ARHGEF12: variants seen among roughly 807,000 people sequenced by gnomAD.
The protein encoded by ARHGEF12 is Rho guanine nucleotide exchange factor 12, also known as KMT2A/ARHGEF12 fusion protein.
ARHGEF12 carries 66 observed loss-of-function variants against 211.2 expected under a neutral mutation model. That is an observed-to-expected ratio of 0.31 (90% confidence interval 0.26 to 0.38). ARHGEF12 has a LOEUF of 0.38. Among genes scored for constraint, ARHGEF12 ranks in the 10% least tolerant of loss-of-function variants. The pLI, the probability that ARHGEF12 is intolerant of heterozygous loss-of-function variation, is 1.00. For missense variants in ARHGEF12, 1,429 were observed against 1,869.5 expected (o/e 0.76, Z 4.34); for synonymous variants, 592 against 638.4 (o/e 0.93, Z 1.09).
intron 1 of ARHGEF12, 163 bp downstream of exon 1, chr11:120,337,438 A>T (rs1354473267): frequency 3.0e-6 from 3 of 985,004 alleles, no homozygotes; most frequent in East Asian, 2.3e-4. Flanking sequence ...CGAGTTATCC[A>T]GTTGATTGGC....
Position 120,437,387 on chromosome 11 carries a change from G to A in ARHGEF12, c.999+5G>A, listed in dbSNP as rs781012625. The A allele has an allele frequency of 6.2e-7, 1 of 1,608,166 alleles. No individual in the cohort carries two copies. Among genetic ancestry groups the A allele is most frequent in the Admixed American group, 1.7e-5 (1 of 59,546 alleles). ...AGTGAAACAATTCAGGACACTGTGA[G>A]TATGAAATCCATGCAATGATAGTGC... is the stretch of plus-strand genomic sequence containing the variant. On this transcript the variant is annotated splice_donor_5th_base_variant and intron_variant, in intron 12 of 40. Coordinates refer to ENST00000397843, the MANE Select transcript of ARHGEF12 (RefSeq NM_015313.3).
intron 1 of ARHGEF12, among the ~76,000 whole-genome samples, chr11:120,380,328 A>G (rs923434957): frequency 1.3e-5 from 2 of 152,126 alleles, no homozygotes; most frequent in African/African-American, 4.8e-5. Flanking sequence ...CTTAGTACAT[A>G]CTGTTAACTA....
At chr11:120,355,435 A>C (rs1943105755) in intron 1 of ARHGEF12, among the ~76,000 whole-genome samples, 1 of 152,242 alleles carries the variant, frequency 6.6e-6, no homozygotes, top group Non-Finnish European at 1.5e-5. Flanking sequence ...TAGATATAAT[A>C]ATTGTACAAG....
intron 7 of ARHGEF12, among the ~76,000 whole-genome samples, chr11:120,427,659 G>A (rs539447328): frequency 1.3e-5 from 2 of 150,150 alleles, no homozygotes; most frequent in Admixed American, 1.3e-4. Context: ...GTGACAAAGT[G>A]AGACCCTAAT....
rs959976480 is a variant in ARHGEF12 at position 120,488,309 on chromosome 11, A to G, written c.*3232A>G. ...TTGAATTACTAGAGCTTTGGTCAGT[A>G]TTTCCTTCCCTATATGTCACAGAGG... On this transcript the variant is annotated 3_prime_UTR_variant, in exon 41 of 41. Coordinates refer to ENST00000397843, the MANE Select transcript of ARHGEF12 (RefSeq NM_015313.3). 1 of 213,672 alleles carries G rather than the reference A, an allele frequency of 4.7e-6. No individual in the cohort carries two copies. Among genetic ancestry groups the G allele is most frequent in the South Asian group, 1.9e-4 (1 of 5,316 alleles). 13.2% of individuals were successfully genotyped at this position (213,672 alleles called of 1,614,324 possible).
intron 14 of ARHGEF12, 114 bp downstream of exon 14, chr11:120,441,931 G>T (rs1221916585): frequency 7.9e-6 from 8 of 1,014,368 alleles, no homozygotes; most frequent in Non-Finnish European, 1.2e-5. Context: ...TCCGTATAAA[G>T]ACAGATACAA....
intron 11 of ARHGEF12, among the ~76,000 whole-genome samples, chr11:120,432,230 A>G (rs1351496209): frequency 6.6e-6 from 1 of 152,188 alleles, no homozygotes; most frequent in Non-Finnish European, 1.5e-5. Flanking sequence ...CCAACTGTTG[A>G]TATCTTTAAG....
intron 1 of ARHGEF12, among the ~76,000 whole-genome samples, chr11:120,352,348 G>T (rs1215969622): frequency 1.3e-5 from 2 of 152,136 alleles, no homozygotes; most frequent in East Asian, 3.8e-4. Flanking sequence ...CTTTTAAGAA[G>T]TTTAAGGCCT....
intron 1 of ARHGEF12, among the ~76,000 whole-genome samples, chr11:120,344,904 A>T (rs926106002): frequency 6.6e-6 from 1 of 152,236 alleles, no homozygotes; most frequent in African/African-American, 2.4e-5. Flanking sequence ...TTCTGTAACC[A>T]TTCAAGTGTT....
intron 18 of ARHGEF12, among the ~76,000 whole-genome samples, chr11:120,447,592 C>T (rs1034933816): frequency 1.9e-4 from 29 of 151,502 alleles, no homozygotes; most frequent in Admixed American, 6.6e-4. Context: ...GCCGAGCGGG[C>T]GGATTACGTA....
At chr11:120,405,450 A>G (rs2135566975) in intron 1 of ARHGEF12, among the ~76,000 whole-genome samples, 1 of 152,312 alleles carries the variant, frequency 6.6e-6, no homozygotes, top group Non-Finnish European at 1.5e-5. Flanking sequence ...GGACCCCCCC[A>G]GAAAAACAAA....
At chr11:120,426,254 C>A (rs1945343969) in intron 7 of ARHGEF12, among the ~76,000 whole-genome samples, 1 of 152,138 alleles carries the variant, frequency 6.6e-6, no homozygotes. Flanking sequence ...AAAAACATTT[C>A]TTTAGCTTTC....
At chr11:120,446,573 A>G in intron 17 of ARHGEF12, 65 bp downstream of exon 17, 1 of 1,293,452 alleles carries the variant, frequency 7.7e-7, no homozygotes, top group Non-Finnish European at 1.1e-6. Context: ...GTTAAGAAAA[A>G]GTTGCTCATT....
chr11:120,431,346 T>C (rs1356653979), intron 10 of ARHGEF12, among the ~76,000 whole-genome samples: 1 of 152,156 alleles, frequency 6.6e-6, no homozygotes, highest in Non-Finnish European at 1.5e-5. Flanking sequence ...TAATAATTTA[T>C]GTTATAGTAT....
chr11:120,477,658 A>C lies in ARHGEF12; in HGVS notation c.3532+132A>C, dbSNP rs1286154617. 2.0e-5 allele frequency: 15 copies of C among 733,706 alleles called. No homozygotes were observed. In the Admixed American group the frequency reaches 4.4e-4, roughly 22 times the overall value. 45.4% of individuals were successfully genotyped at this position (733,706 alleles called of 1,614,324 possible). A position where few individuals can be genotyped will look rare whatever the true frequency, so the allele number is the denominator to read the frequency against. The stretch of plus-strand genomic sequence containing the variant: ...GATAGGCGTATCACCTGAGGCCAGG[A>C]GTTAGAGGCCAACCTGACCAACATG... On this transcript the variant is annotated intron_variant, in intron 36 of 40. Transcript: ENST00000397843.
chr11:120,382,453 A>C (rs1943903240), intron 1 of ARHGEF12, among the ~76,000 whole-genome samples: 1 of 152,250 alleles, frequency 6.6e-6, no homozygotes, highest in African/African-American at 2.4e-5. Flanking sequence ...AGATAGCTCT[A>C]GTTTGGGACT....
intron 27 of ARHGEF12, 123 bp from the exon 28 acceptor site, chr11:120,465,114 T>A: frequency 8.3e-7 from 1 of 1,202,276 alleles, no homozygotes; most frequent in Non-Finnish European, 1.2e-6. Flanking sequence ...TCCACATAGA[T>A]ATGCAGTTCT....
At chr11:120,367,341 G>A (rs1370210220) in intron 1 of ARHGEF12, among the ~76,000 whole-genome samples, 2 of 119,512 alleles carry the variant, frequency 1.7e-5, no homozygotes, top group Admixed American at 1.7e-4. Context: ...AAATCTGTTA[G>A]GATACTTTTT....
chr11:120,419,346 C>G (rs1307611015), intron 4 of ARHGEF12, among the ~76,000 whole-genome samples: 1 of 151,654 alleles, frequency 6.6e-6, no homozygotes, highest in Non-Finnish European at 1.5e-5. Context: ...TAAACCCACC[C>G]TAAGGTCTTT....
Sources: allele counts gnomAD v4.1 joint callset (sites outside exome capture counted in the v4.1 genomes callset), GRCh38; gene constraint gnomAD v4.1.1; transcripts MANE v1.5; gene names NCBI Gene and HGNC (gene_info 2026-07-23, HGNC 2026-07-21).